KLF12: variants seen among roughly 807,000 people sequenced by gnomAD.
KLF12 encodes the protein KLF transcription factor 12, also known as Krueppel-like factor 12.
In KLF12, 9 loss-of-function variants were observed where a neutral mutation model predicts 37.8. The observed-to-expected ratio is 0.24, with a 90% CI of 0.14 to 0.42. KLF12 has a LOEUF of 0.42. Among genes scored for constraint, KLF12 ranks in the 10% least tolerant of loss-of-function variants. The pLI, the probability that KLF12 is intolerant of heterozygous loss-of-function variation, is 1.00. For synonymous variants in KLF12, 208 were observed against 202.1 expected, an observed-to-expected ratio of 1.03 and a Z score of -0.25; for missense variants, 411 against 516.0, an observed-to-expected ratio of 0.80 and a Z score of 1.97.
chr13:74,060,484 T>TTTTGTG (rs767187033), intron 1 of KLF12, among the ~76,000 whole-genome samples: 29 of 108,628 alleles, frequency 2.7e-4, no homozygotes, highest in African/African-American at 1.0e-3. Context: ...TACCTAGGTT[T>TTTTGTG]TGTGTGTGTG....
At chr13:73,841,554 A>C (rs1249371881) in intron 4 of KLF12, among the ~76,000 whole-genome samples, 1 of 152,156 alleles carries the variant, frequency 6.6e-6, no homozygotes, top group African/African-American at 2.4e-5. Flanking sequence ...TATTGGTGAA[A>C]GCTAATGAGT....
intron 1 of KLF12, among the ~76,000 whole-genome samples, chr13:74,017,819 G>A (rs556977598): frequency 7.2e-5 from 11 of 152,090 alleles, no homozygotes; most frequent in Non-Finnish European, 1.0e-4. Context: ...AGAAGCAGGC[G>A]CCCTGGCATA....
At chr13:74,188,347 T>C in the KLF12 span, among the ~76,000 whole-genome samples, 1 of 152,128 alleles carries the variant, frequency 6.6e-6, no homozygotes, top group South Asian at 2.1e-4. Flanking sequence ...GGCTGTACAA[T>C]AGAAAATTTA....
chr13:73,779,138 A>C (rs1364278197), intron 5 of KLF12, among the ~76,000 whole-genome samples: 1 of 152,174 alleles, frequency 6.6e-6, no homozygotes, highest in Non-Finnish European at 1.5e-5. Flanking sequence ...AGAGCTCCTA[A>C]AACCTTTGGT....
At chr13:74,227,378 T>A in the KLF12 span, among the ~76,000 whole-genome samples, 1 of 152,178 alleles carries the variant, frequency 6.6e-6, no homozygotes, top group Admixed American at 6.6e-5. Flanking sequence ...AAAAGGCCTG[T>A]CTTGTTCATT....
intron 1 of KLF12, among the ~76,000 whole-genome samples, chr13:74,033,938 T>C (rs1177730266): frequency 6.6e-6 from 1 of 151,386 alleles, no homozygotes; most frequent in Non-Finnish European, 1.5e-5. Flanking sequence ...TTTTTAATCT[T>C]ACCCAAGCTG....
chr13:73,785,022 A>C (rs1881246779), intron 5 of KLF12, among the ~76,000 whole-genome samples: 1 of 151,930 alleles, frequency 6.6e-6, no homozygotes, highest in South Asian at 2.1e-4. Flanking sequence ...TGTCTCCCAA[A>C]GTTACATTTT....
At chr13:74,057,845 G>C (rs1873334193) in intron 1 of KLF12, among the ~76,000 whole-genome samples, 1 of 152,024 alleles carries the variant, frequency 6.6e-6, no homozygotes, top group South Asian at 2.1e-4. Flanking sequence ...TGAAGAGTAA[G>C]AAGGAAGGAG....
rs1411588291 is a variant in KLF12, at chr13:73,702,312, C to T, written c.1028-6641G>A. Among the ~76,000 whole-genome samples the T allele has an allele frequency of 2.0e-5, 3 of 152,024 alleles. No individual in the cohort carries two copies. The East Asian group carries it at 5.8e-4, about 29-fold the overall frequency. Reference sequence around the variant, plus strand: ...ACTAAGTGCATTTCCATGACATTTACCCAGCAGAAGGCAGAATAAAGTCTA... The same window carrying T: ...ACTAAGTGCATTTCCATGACATTTATCCAGCAGAAGGCAGAATAAAGTCTA... On this transcript the variant is annotated intron_variant, in intron 7 of 7. Transcript: ENST00000377669.
the KLF12 span, among the ~76,000 whole-genome samples, chr13:74,299,284 A>G: frequency 1.3e-5 from 2 of 152,324 alleles, no homozygotes; most frequent in South Asian, 4.1e-4. Context: ...AGCACTGGAC[A>G]TTCTCTGAGA....
the KLF12 span, among the ~76,000 whole-genome samples, chr13:74,152,440 T>C: frequency 6.6e-6 from 1 of 152,310 alleles, no homozygotes; most frequent in East Asian, 1.9e-4. Context: ...TTTGCATAAT[T>C]GTATTACTTC....
At chr13:74,131,891 A>C (rs944718119) in intron 1 of KLF12, among the ~76,000 whole-genome samples, 1 of 152,108 alleles carries the variant, frequency 6.6e-6, no homozygotes, top group Non-Finnish European at 1.5e-5. Flanking sequence ...TCCCCAACTC[A>C]AAGGAGCTTA....
chr13:74,159,795 G>T, the KLF12 span, among the ~76,000 whole-genome samples: 1 of 152,100 alleles, frequency 6.6e-6, no homozygotes, highest in African/African-American at 2.4e-5. Flanking sequence ...GAGGTGGGCA[G>T]ATTGCCTGAG....
intron 2 of KLF12, among the ~76,000 whole-genome samples, chr13:73,984,869 T>A (rs1255009959): frequency 3.3e-5 from 5 of 152,236 alleles, no homozygotes; most frequent in African/African-American, 1.2e-4. Flanking sequence ...CAGTCACATG[T>A]GCTCTTCCAG....
At chr13:74,155,483 T>C in the KLF12 span, among the ~76,000 whole-genome samples, 2 of 151,998 alleles carry the variant, frequency 1.3e-5, no homozygotes, top group Non-Finnish European at 2.9e-5. Context: ...TGCCTCAGCA[T>C]CCCAAGTAGC....
chr13:73,870,492 G>T (rs948705609), intron 3 of KLF12, among the ~76,000 whole-genome samples: 1 of 152,144 alleles, frequency 6.6e-6, no homozygotes, highest in South Asian at 2.1e-4. Flanking sequence ...TTCTGACATA[G>T]AGATAAAAAA....
At chr13:74,145,487 A>G in the KLF12 span, among the ~76,000 whole-genome samples, 1 of 152,146 alleles carries the variant, frequency 6.6e-6, no homozygotes, top group Admixed American at 6.6e-5. Flanking sequence ...GATAAGAAAC[A>G]TATGGCTGTG....
At chr13:74,227,398 C>T in the KLF12 span, among the ~76,000 whole-genome samples, 2 of 152,104 alleles carry the variant, frequency 1.3e-5, no homozygotes, top group African/African-American at 4.8e-5. Flanking sequence ...TTTTGTATCA[C>T]CCCAAATTGA....
At chr13:73,953,150 G>A (rs964078774) in intron 2 of KLF12, among the ~76,000 whole-genome samples, 7 of 151,966 alleles carry the variant, frequency 4.6e-5, no homozygotes, top group Non-Finnish European at 1.0e-4. Context: ...CTACATTCTG[G>A]GATACATGAA....
Sources: allele counts gnomAD v4.1 joint callset (sites outside exome capture counted in the v4.1 genomes callset), GRCh38; gene constraint gnomAD v4.1.1; transcripts MANE v1.5; gene names NCBI Gene and HGNC (gene_info 2026-07-23, HGNC 2026-07-21).